The following ERC1 variants were observed in gnomAD, a reference collection of about 807,000 sequenced individuals.
ERC1 encodes RAB6 interacting protein 2.
Under a neutral mutation model 132.0 loss-of-function variants are expected in ERC1, and 56 were observed. That is an observed-to-expected ratio of 0.42 (90% CI 0.34 to 0.53). The LOEUF is 0.53. Ranked by LOEUF, ERC1 falls within the 20% of genes least tolerant of loss-of-function variation. ERC1 has a pLI of 0.03. For missense variants in ERC1, 1,202 were observed against 1,349.9 expected (o/e 0.89, Z 1.72); for synonymous variants, 478 against 476.1 (o/e 1.00, Z -0.05).
At chr12:1,012,879 T>C (rs551580169) in intron 1 of ERC1, among the ~76,000 whole-genome samples, 6 of 152,350 alleles carry the variant, frequency 3.9e-5, no homozygotes, top group African/African-American at 1.4e-4. Context: ...TTTTCAAGTA[T>C]GTTTTGGGAA....
At chr12:1,166,231 G>A (rs1469187082) in intron 8 of ERC1, among the ~76,000 whole-genome samples, 1 of 152,148 alleles carries the variant, frequency 6.6e-6, no homozygotes, top group Non-Finnish European at 1.5e-5. Context: ...CATGGGATGG[G>A]TCTTTCTCGT....
intron 14 of ERC1, among the ~76,000 whole-genome samples, chr12:1,283,160 A>T (rs1752286709): frequency 6.6e-6 from 1 of 152,122 alleles, no homozygotes; most frequent in Non-Finnish European, 1.5e-5. Flanking sequence ...GATTTAAGCA[A>T]ACCATCTGGT....
At chr12:1,180,762 T>C in intron 9 of ERC1, 85 bp downstream of exon 9, 2 of 1,524,278 alleles carry the variant, frequency 1.3e-6, no homozygotes, top group South Asian at 2.3e-5. Flanking sequence ...AAGAAATCCC[T>C]GTGGGCACAA....
intron 17 of ERC1, among the ~76,000 whole-genome samples, chr12:1,423,172 G>C (rs2092490180): frequency 6.6e-6 from 1 of 152,098 alleles, no homozygotes; most frequent in South Asian, 2.1e-4. Context: ...GAACTGCCTG[G>C]CCAACCTCTA....
chr12:1,354,071 G>A (rs75007353), intron 15 of ERC1, among the ~76,000 whole-genome samples: 5 of 149,744 alleles, frequency 3.3e-5, no homozygotes, highest in Middle Eastern at 3.4e-3. Flanking sequence ...TGGTGGTCTC[G>A]TGTCTTATCT....
intron 12 of ERC1, among the ~76,000 whole-genome samples, chr12:1,228,895 C>A (rs1207290474): frequency 6.6e-6 from 1 of 152,116 alleles, no homozygotes; most frequent in Non-Finnish European, 1.5e-5. Flanking sequence ...TTTTAATGTG[C>A]TGTTGAATTC....
rs75122599 is a variant in ERC1 at position 1,463,660 on chromosome 12, G to A, written c.3213+18910G>A. ...AAATGTGTGTCCGTATCAGGACTGC[G>A]CTGGAGAACGGGAAGAGAGGGGTTG... On this transcript the variant is annotated intron_variant, in intron 18 of 18. Coordinates refer to ENST00000360905, the MANE Select transcript of ERC1 (RefSeq NM_178040.4). 6.3e-3 allele frequency among the ~76,000 whole-genome samples: 951 copies of A among 150,556 alleles called. 18 individuals carry two copies. Among genetic ancestry groups the A allele is most frequent in the African/African-American group, 0.022 (894 of 40,610 alleles).
At chr12:994,871 C>T (rs896010027) in intron 1 of ERC1, among the ~76,000 whole-genome samples, 7 of 151,972 alleles carry the variant, frequency 4.6e-5, no homozygotes, top group African/African-American at 1.7e-4. Flanking sequence ...CCAAGGCGGG[C>T]GGATCATGAG....
At chr12:1,290,477 A>G (rs2079365952) in intron 15 of ERC1, among the ~76,000 whole-genome samples, 1 of 152,200 alleles carries the variant, frequency 6.6e-6, no homozygotes, top group South Asian at 2.1e-4. Context: ...CTGGAAGCCA[A>G]TTTTTAGAAA....
chr12:1,478,019 G>C (rs748761160), intron 18 of ERC1, among the ~76,000 whole-genome samples: 11 of 152,170 alleles, frequency 7.2e-5, no homozygotes, highest in Non-Finnish European at 1.6e-4. Flanking sequence ...TGGACATTTG[G>C]GTTGTTCCCA....
intron 1 of ERC1, among the ~76,000 whole-genome samples, chr12:1,012,596 C>T (rs1964878309): frequency 6.6e-6 from 1 of 151,752 alleles, no homozygotes; most frequent in Admixed American, 6.6e-5. Context: ...CCTCAGCCTC[C>T]CAAGTAGCTG....
chr12:1,291,128 A>G (rs538768324), intron 15 of ERC1, among the ~76,000 whole-genome samples: 1 of 152,366 alleles, frequency 6.6e-6, no homozygotes, highest in South Asian at 2.1e-4. Flanking sequence ...CTCATGGGAC[A>G]TGATGATTGT....
At chr12:1,211,299 C>G (rs758009420) in intron 12 of ERC1, among the ~76,000 whole-genome samples, 11 of 152,026 alleles carry the variant, frequency 7.2e-5, no homozygotes, top group Non-Finnish European at 1.3e-4. Flanking sequence ...CAGGCGTGCA[C>G]CCCCATGCCC....
At chr12:1,404,566 C>T (rs1482729609) in intron 16 of ERC1, among the ~76,000 whole-genome samples, 2 of 152,172 alleles carry the variant, frequency 1.3e-5, no homozygotes, top group African/African-American at 2.4e-5. Flanking sequence ...AGTTCAGTTT[C>T]CTACCAGTGA....
rs56939346 is a variant in ERC1, at chr12:1,493,548, A to AAAAAAATATATATATAT, written c.*3319_*3320insAAAAATATATATATATA. 2 of 13,622 alleles carry AAAAAAATATATATATAT rather than the reference A, an allele frequency of 1.5e-4. No individual in the cohort carries two copies. Among genetic ancestry groups the AAAAAAATATATATATAT allele is most frequent in the Non-Finnish European group, 2.9e-4 (2 of 6,822 alleles). The allele number at this position is 13,622 out of a possible 1,614,324, so 0.8% of individuals were successfully genotyped here. A position where few individuals can be genotyped will look rare whatever the true frequency, so the allele number is the denominator to read the frequency against. On this transcript the variant is annotated 3_prime_UTR_variant, in exon 19 of 19. Transcript: ENST00000360905. ...ACTCCATTTAAAAAAAAAAAAAAAAAATATATATATATATATATATATATA... is the reference window on the plus strand; with the variant it reads ...ACTCCATTTAAAAAAAAAAAAAAAAAAAAAAATATATATATATATATATATATATATATATATATATA...
At chr12:1,193,963 TAAAC>T (rs1320370024) in intron 12 of ERC1, among the ~76,000 whole-genome samples, 9 of 152,200 alleles carry the variant, frequency 5.9e-5, no homozygotes, top group East Asian at 1.9e-4. Context: ...AGTATACAAA[TAAAC>T]AAACAAACCA....
chr12:1,026,035 A>G (rs184801896), intron 1 of ERC1, among the ~76,000 whole-genome samples: 36 of 152,096 alleles, frequency 2.4e-4, no homozygotes, highest in African/African-American at 7.2e-4. Flanking sequence ...ATGTCAGGTG[A>G]TCCACCCGCC....
chr12:1,464,888 AAAATATGAATATGGAATATTATATG>A (rs1259517068), intron 18 of ERC1, among the ~76,000 whole-genome samples: 1 of 152,080 alleles, frequency 6.6e-6, no homozygotes, highest in Non-Finnish European at 1.5e-5. Flanking sequence ...AAAGAGTCCT[AAAATATGAATATGGAATATTATATG>A]AAATATTTTA....
chr12:1,313,090 A>G (rs1344296120), intron 15 of ERC1, among the ~76,000 whole-genome samples: 2 of 152,146 alleles, frequency 1.3e-5, no homozygotes, highest in Non-Finnish European at 2.9e-5. Flanking sequence ...GCTCCATGAT[A>G]CCAATGGTTC....
Sources: allele counts gnomAD v4.1 joint callset (sites outside exome capture counted in the v4.1 genomes callset), GRCh38; gene constraint gnomAD v4.1.1; transcripts MANE v1.5; gene names NCBI Gene and HGNC (gene_info 2026-07-23, HGNC 2026-07-21).